The following CADM2 variants were observed in gnomAD, a reference collection of about 807,000 sequenced individuals.
CADM2 encodes cell adhesion molecule 2.
In CADM2, 12 loss-of-function variants were observed where a neutral mutation model predicts 49.8. The ratio of observed to expected loss-of-function variants is 0.24; its 90% CI spans 0.15 to 0.39. The LOEUF is 0.39. Ranked by LOEUF, CADM2 falls within the 10% of genes least tolerant of loss-of-function variation. The probability of loss-of-function intolerance (pLI) is 1.00; values close to 1 mark genes in which losing one functional copy is unlikely to be tolerated. For synonymous variants in CADM2, 214 were observed against 175.4 expected, an observed-to-expected ratio of 1.22 and a Z score of -1.74; for missense variants, 378 against 492.3, an observed-to-expected ratio of 0.77 and a Z score of 2.20.
intron 1 of CADM2, among the ~76,000 whole-genome samples, chr3:85,351,508 T>G (rs529587690): frequency 6.6e-6 from 1 of 152,294 alleles, no homozygotes; most frequent in East Asian, 1.9e-4. Flanking sequence ...ACATTAAACT[T>G]TGTCCCACAC....
At chr3:85,749,948 A>G (rs2068795504) in intron 2 of CADM2, among the ~76,000 whole-genome samples, 1 of 152,012 alleles carries the variant, frequency 6.6e-6, no homozygotes, top group Non-Finnish European at 1.5e-5. Context: ...TTTTAAGAGT[A>G]TATACCTCTT....
rs185083330 is a variant in CADM2, at chr3:85,964,048, T to C, written c.970+2401T>C. ...ATGGCAAAATAAAGGTTTTTTCCCC[T>C]TTGCACGCTGGGTATAATGTTTCAT... On this transcript the variant is annotated intron_variant, in intron 8 of 9. Transcript: ENST00000383699. Among the ~76,000 whole-genome samples the C allele has an allele frequency of 1.4e-3, 209 of 151,954 alleles. 2 individuals carry two copies. Among genetic ancestry groups the C allele is most frequent in the African/African-American group, 4.8e-3 (200 of 41,506 alleles).
chr3:84,965,575 A>G (rs2030913465), intron 1 of CADM2, among the ~76,000 whole-genome samples: 1 of 152,242 alleles, frequency 6.6e-6, no homozygotes, highest in African/African-American at 2.4e-5. Flanking sequence ...AATGGTGAAC[A>G]TTTAATTTTC....
At chr3:85,294,168 A>C (rs1318562132) in intron 1 of CADM2, among the ~76,000 whole-genome samples, 1 of 152,172 alleles carries the variant, frequency 6.6e-6, no homozygotes, top group Non-Finnish European at 1.5e-5. Flanking sequence ...GAGCCAAATC[A>C]TGAGTGAAAT....
rs150714677 is a variant in CADM2, at chr3:85,075,144, G to T, written c.61+115476G>T. 4.3e-3 allele frequency among the ~76,000 whole-genome samples: 653 copies of T among 151,966 alleles called. 3 individuals are homozygous for T. The highest frequency in any genetic ancestry group is 0.014 in the African/African-American group (579 of 41,490). On this transcript the variant is annotated intron_variant, in intron 1 of 9. Transcript: ENST00000383699. ...GACAATGAATACAGAACTTATGATG[G>T]TGAGAACTTTACTGAAGGACATGTG...
chr3:85,572,249 T>G (rs993405395), intron 1 of CADM2, among the ~76,000 whole-genome samples: 2 of 152,114 alleles, frequency 1.3e-5, no homozygotes, highest in African/African-American at 4.8e-5. Context: ...ATTGTGCCAC[T>G]GCTTTCCAGT....
Position 85,990,855 on chromosome 3 carries a change from C to T in CADM2, c.970+29208C>T, listed in dbSNP as rs181506612. On this transcript the variant is annotated intron_variant, in intron 8 of 9. Coordinates refer to ENST00000383699, the MANE Select transcript of CADM2 (RefSeq NM_001167675.2). ...TTAGAAAATTAAGCTATGAATATGT[C>T]TCTCTTGATTTCAAGTAAGTAGTTA... is the stretch of plus-strand genomic sequence containing the variant. 2.0e-3 allele frequency among the ~76,000 whole-genome samples: 299 copies of T among 152,282 alleles called. 1 individual carries two copies. Among genetic ancestry groups the T allele is most frequent in the South Asian group, 7.2e-3 (35 of 4,830 alleles).
chr3:85,877,838 A>C (rs539245371), intron 3 of CADM2, among the ~76,000 whole-genome samples: 1 of 151,986 alleles, frequency 6.6e-6, no homozygotes, highest in Non-Finnish European at 1.5e-5. Flanking sequence ...TTCAATAGCT[A>C]CTCACTGAAT....
At chr3:85,755,590 A>C (rs530520014) in intron 2 of CADM2, among the ~76,000 whole-genome samples, 2 of 152,174 alleles carry the variant, frequency 1.3e-5, no homozygotes, top group Non-Finnish European at 2.9e-5. Context: ...TCACTATTCC[A>C]TGGGCTGTAC....
At chr3:85,538,051 A>T (rs951141077) in intron 1 of CADM2, among the ~76,000 whole-genome samples, 1 of 152,096 alleles carries the variant, frequency 6.6e-6, no homozygotes, top group African/African-American at 2.4e-5. Flanking sequence ...TCTAAAAATT[A>T]TATTGTTCTT....
rs2067700021 is a variant in CADM2, at chr3:85,726,479, A to G, written c.62-43A>G. 3.1e-6 allele frequency: 5 copies of G among 1,607,638 alleles called. No homozygotes were observed. The South Asian group carries it at 5.5e-5, about 18-fold the overall frequency. The stretch of plus-strand genomic sequence containing the variant: ...TTACTAGAGAATCTGTCTAATATCT[A>G]ATATGTTTGTTCTCTTCTTGTGCAA... On this transcript the variant is annotated intron_variant, in intron 1 of 9. Coordinates refer to ENST00000383699, the MANE Select transcript of CADM2 (RefSeq NM_001167675.2).
intron 7 of CADM2, among the ~76,000 whole-genome samples, chr3:85,955,397 A>T (rs1723929933): frequency 6.6e-6 from 1 of 151,596 alleles, no homozygotes; most frequent in African/African-American, 2.4e-5. Context: ...CACCAGGAAG[A>T]TTCTTTTCCT....
At chr3:85,385,800 C>CTCTTT (rs374128243) in intron 1 of CADM2, 6 of 127,506 alleles carry the variant, frequency 4.7e-5, no homozygotes, top group Admixed American at 8.3e-5. Flanking sequence ...TTCTCTCTCT[C>CTCTTT]TTTTTTTTTT....
intron 8 of CADM2, chr3:86,028,093 C>G (rs934519045): frequency 6.7e-6 from 1 of 150,234 alleles, no homozygotes; most frequent in Admixed American, 6.6e-5. Flanking sequence ...GGAGGTATAC[C>G]TAATGTTAAA....
In CADM2 at chr3:85,961,458, C is replaced by A; in HGVS notation, c.792-11C>A. On this transcript the variant is annotated splice_polypyrimidine_tract_variant and intron_variant, in intron 7 of 9. Transcript: ENST00000383699. ...ATTTTTGCTATCTACATGCATGTTTCAATCCAATAGGCCAGAACCTGTTTT... is the reference window on the plus strand; with the variant it reads ...ATTTTTGCTATCTACATGCATGTTTAAATCCAATAGGCCAGAACCTGTTTT... 1.3e-6 allele frequency: 2 copies of A among 1,561,190 alleles called. No individual in the cohort carries two copies. Among genetic ancestry groups the A allele is most frequent in the Non-Finnish European group, 1.7e-6 (2 of 1,144,994 alleles).
chr3:85,880,610 T>C (rs1290551190), intron 3 of CADM2, among the ~76,000 whole-genome samples: 1 of 152,206 alleles, frequency 6.6e-6, no homozygotes, highest in Non-Finnish European at 1.5e-5. Context: ...AGTTGAAAAA[T>C]GCACCACTTC....
At chr3:86,056,785 G>C (rs752986395) in intron 8 of CADM2, among the ~76,000 whole-genome samples, 3 of 152,148 alleles carry the variant, frequency 2.0e-5, no homozygotes, top group Non-Finnish European at 4.4e-5. Context: ...TTTATAATTA[G>C]TATGGCCCAA....
At chr3:85,960,695 A>G (rs1188031221) in intron 7 of CADM2, among the ~76,000 whole-genome samples, 1 of 151,860 alleles carries the variant, frequency 6.6e-6, no homozygotes, top group Admixed American at 6.6e-5. Context: ...GAAGAGGGGA[A>G]TCTATGGTTC....
At chr3:85,947,747 T>A (rs1722919624) in intron 7 of CADM2, among the ~76,000 whole-genome samples, 1 of 151,566 alleles carries the variant, frequency 6.6e-6, no homozygotes, top group Admixed American at 6.6e-5. Flanking sequence ...CTCTCGGTAA[T>A]CTCCACTGCT....
Sources: gnomAD v4.1 joint callset for allele counts (sites outside exome capture counted in the v4.1 genomes callset) on GRCh38, gnomAD v4.1.1 for gene constraint, MANE v1.5 for transcripts, NCBI Gene and HGNC (gene_info 2026-07-23, HGNC 2026-07-21) for gene names.